DPRX: variants seen among roughly 807,000 people sequenced by gnomAD.
DPRX encodes divergent paired-related homeobox.
Under a neutral mutation model 8.4 loss-of-function variants are expected in DPRX, and 11 were observed. That is an observed-to-expected ratio of 1.31 (90% CI 0.82 to 2.17). DPRX has a LOEUF of 2.17. Among genes scored for constraint, DPRX ranks in the 30% most tolerant of loss-of-function variants. DPRX has a pLI of 0.00. For missense variants in DPRX, 211 were observed against 236.7 expected (o/e 0.89, Z 0.71); for synonymous variants, 72 against 87.0 (o/e 0.83, Z 0.96).
the DPRX span, chr19:53,616,852 C>G: frequency 6.3e-7 from 1 of 1,599,526 alleles, no homozygotes; most frequent in Non-Finnish European, 8.6e-7. Flanking sequence ...ATGTCCCAAC[C>G]TGAAGCTGAA....
At chr19:53,610,361 G>A in the DPRX span, among the ~76,000 whole-genome samples, 1 of 151,960 alleles carries the variant, frequency 6.6e-6, no homozygotes, top group Admixed American at 6.6e-5. Flanking sequence ...TGATCCATGG[G>A]TGAGGGGTTG....
At chr19:53,616,395 A>G in the DPRX span, among the ~76,000 whole-genome samples, 37 of 152,292 alleles carry the variant, frequency 2.4e-4, no homozygotes, top group African/African-American at 8.9e-4. Flanking sequence ...TATATATAGC[A>G]TGGGGTGGAG....
the DPRX span, chr19:53,601,134 C>T: frequency 2.5e-6 from 1 of 394,868 alleles, no homozygotes; most frequent in Non-Finnish European, 5.1e-6. Context: ...CTCCTGCCTT[C>T]ATCTCCTGAG....
upstream of DPRX, among the ~76,000 whole-genome samples, chr19:53,627,549 G>A (rs2091076191): frequency 6.7e-6 from 1 of 148,592 alleles, no homozygotes; most frequent in African/African-American, 2.5e-5. Context: ...CAATTCTCCT[G>A]CCTCAGCCTC....
upstream of DPRX, among the ~76,000 whole-genome samples, chr19:53,630,226 A>C (rs1382318713): frequency 6.6e-6 from 1 of 151,600 alleles, no homozygotes; most frequent in East Asian, 2.0e-4. Flanking sequence ...AAAAAAAAAA[A>C]AAACTTTCAT....
At chr19:53,619,348 G>A in the DPRX span, among the ~76,000 whole-genome samples, 1 of 151,962 alleles carries the variant, frequency 6.6e-6, no homozygotes, top group African/African-American at 2.4e-5. Context: ...AGACCAGCCT[G>A]GCCAACATAG....
chr19:53,607,570 G>T, the DPRX span, among the ~76,000 whole-genome samples: 1 of 151,852 alleles, frequency 6.6e-6, no homozygotes, highest in African/African-American at 2.4e-5. Flanking sequence ...GTTTTAGGCT[G>T]GGAGCAGTGA....
At chr19:53,621,084 T>C in the DPRX span, among the ~76,000 whole-genome samples, 2 of 152,322 alleles carry the variant, frequency 1.3e-5, no homozygotes, top group Admixed American at 1.3e-4. Context: ...GGACATCTGC[T>C]ACTGAACAAT....
At chr19:53,602,261 GGTATGGGTGTGTGT>G in the DPRX span, 19 of 357,842 alleles carry the variant, frequency 5.3e-5, no homozygotes, top group African/African-American at 4.7e-4. Context: ...CATATATATG[GGTATGGGTGTGTGT>G]GTGTGTGTGT....
chr19:53,631,409 G>T (rs10418218), upstream of DPRX, among the ~76,000 whole-genome samples: 3,514 of 152,206 alleles, frequency 0.023, 132 homozygotes, highest in African/African-American at 0.08. Context: ...TTGCCTGAAA[G>T]CCCCTTTAGG....
the DPRX span, among the ~76,000 whole-genome samples, chr19:53,621,592 T>C: frequency 1.3e-5 from 2 of 152,036 alleles, no homozygotes; most frequent in African/African-American, 4.8e-5. Context: ...GGTCAGGAGT[T>C]CCAGACCAGC....
chr19:53,612,959 A>G, the DPRX span, among the ~76,000 whole-genome samples: 1 of 152,036 alleles, frequency 6.6e-6, no homozygotes, highest in African/African-American at 2.4e-5. Flanking sequence ...AAAACCAAAC[A>G]AGATAGGACA....
chr19:53,601,862 A>C, the DPRX span: 1,561 of 368,848 alleles, frequency 4.2e-3, 28 homozygotes, highest in African/African-American at 0.031. Flanking sequence ...TGGGGGCTGG[A>C]GGGGGTGTCC....
the DPRX span, among the ~76,000 whole-genome samples, chr19:53,612,143 G>C: frequency 6.6e-6 from 1 of 151,058 alleles, no homozygotes; most frequent in Non-Finnish European, 1.5e-5. Context: ...TAACACATTG[G>C]GGGGCCAAGG....
chr19:53,627,789 G>A (rs1392210040), upstream of DPRX, among the ~76,000 whole-genome samples: 6 of 148,858 alleles, frequency 4.0e-5, no homozygotes, highest in East Asian at 2.1e-4. Flanking sequence ...GGTGGCTCAC[G>A]CCTGTACTCC....
chr19:53,605,527 T>G, the DPRX span, among the ~76,000 whole-genome samples: 1 of 152,162 alleles, frequency 6.6e-6, no homozygotes, highest in South Asian at 2.1e-4. Flanking sequence ...TCTCAGGGTC[T>G]GGCTATGTTG....
chr19:53,618,219 A>T, the DPRX span, among the ~76,000 whole-genome samples: 1 of 151,916 alleles, frequency 6.6e-6, no homozygotes, highest in Non-Finnish European at 1.5e-5. Context: ...TATAGTGATT[A>T]TTTTTTACAA....
At chr19:53,627,061 A>G (rs2122150044), upstream of DPRX, among the ~76,000 whole-genome samples, 1 of 152,122 alleles carries the variant, frequency 6.6e-6, no homozygotes, top group Non-Finnish European at 1.5e-5. Context: ...CCCTCTAAAC[A>G]TGGCAACAGA....
chr19:53,625,384 A>G, the DPRX span, among the ~76,000 whole-genome samples: 4 of 152,098 alleles, frequency 2.6e-5, no homozygotes, highest in African/African-American at 9.7e-5. Flanking sequence ...CCAGGCTGTG[A>G]TAATGAGCTC....
Sources: allele counts gnomAD v4.1 joint callset (sites outside exome capture counted in the v4.1 genomes callset), GRCh38; gene constraint gnomAD v4.1.1; transcripts MANE v1.5; gene names NCBI Gene and HGNC (gene_info 2026-07-23, HGNC 2026-07-21).